Variants in QTMAN observed in about 807,000 individuals in gnomAD.
The protein encoded by QTMAN is tRNA-queuosine alpha-mannosyltransferase.
the QTMAN span, among the ~76,000 whole-genome samples, chr2:144,254,421 C>CTAAA: frequency 2.0e-5 from 3 of 151,914 alleles, no homozygotes; most frequent in East Asian, 1.9e-4. Context: ...GACTCTGTCT[C>CTAAA]TAAATAAATA....
At chr2:144,154,275 C>T in the QTMAN span, among the ~76,000 whole-genome samples, 276 of 152,252 alleles carry the variant, frequency 1.8e-3, 2 homozygotes, top group African/African-American at 6.3e-3. Context: ...TAAGGAGATG[C>T]ACTCTAGGAA....
the QTMAN span, among the ~76,000 whole-genome samples, chr2:144,134,804 T>C: frequency 2.0e-5 from 3 of 152,116 alleles, no homozygotes; most frequent in Non-Finnish European, 1.5e-5. Flanking sequence ...GGATATAGCA[T>C]CCATTCATCT....
the QTMAN span, among the ~76,000 whole-genome samples, chr2:143,976,182 CTTTT>C: frequency 6.7e-6 from 1 of 149,770 alleles, no homozygotes; most frequent in Non-Finnish European, 1.5e-5. Context: ...CAGTTTTTGA[CTTTT>C]TTTTTTCCTT....
At chr2:144,089,823 A>G in the QTMAN span, among the ~76,000 whole-genome samples, 2 of 151,938 alleles carry the variant, frequency 1.3e-5, no homozygotes, top group African/African-American at 4.8e-5. Flanking sequence ...GTACAAACAT[A>G]TGGTAAGATA....
the QTMAN span, among the ~76,000 whole-genome samples, chr2:144,019,493 T>C: frequency 2.0e-5 from 3 of 149,282 alleles, no homozygotes; most frequent in Admixed American, 6.7e-5. Context: ...TATGTAGTTT[T>C]AGACAAGAAG....
the QTMAN span, among the ~76,000 whole-genome samples, chr2:144,109,948 G>T: frequency 1.3e-5 from 2 of 152,202 alleles, no homozygotes; most frequent in African/African-American, 2.4e-5. Flanking sequence ...TGGTGGGACT[G>T]TAAACTAGTT....
chr2:144,091,547 A>G, the QTMAN span, among the ~76,000 whole-genome samples: 1 of 152,176 alleles, frequency 6.6e-6, no homozygotes, highest in African/African-American at 2.4e-5. Context: ...GCTGGTGAGG[A>G]TGTGGAGAAA....
the QTMAN span, among the ~76,000 whole-genome samples, chr2:144,247,784 C>G: frequency 6.6e-6 from 1 of 152,126 alleles, no homozygotes; most frequent in African/African-American, 2.4e-5. Flanking sequence ...GGAGATTCTC[C>G]CACCTCAGCC....
At chr2:144,313,313 G>T in the QTMAN span, among the ~76,000 whole-genome samples, 2 of 152,168 alleles carry the variant, frequency 1.3e-5, no homozygotes, top group Non-Finnish European at 2.9e-5. Flanking sequence ...AGAAAGCAGG[G>T]TTACTTATTA....
At chr2:144,209,229 C>G in the QTMAN span, among the ~76,000 whole-genome samples, 1 of 152,204 alleles carries the variant, frequency 6.6e-6, no homozygotes, top group African/African-American at 2.4e-5. Context: ...TGACGACTTT[C>G]ACTTCAAGAG....
chr2:144,060,258 A>C, the QTMAN span, among the ~76,000 whole-genome samples: 1 of 148,200 alleles, frequency 6.7e-6, no homozygotes, highest in East Asian at 2.0e-4. Context: ...AAGCATCTTA[A>C]TTTTTTTTTT....
the QTMAN span, among the ~76,000 whole-genome samples, chr2:143,992,380 C>A: frequency 6.9e-6 from 1 of 145,566 alleles, no homozygotes; most frequent in African/African-American, 2.6e-5. Context: ...CTCAAGTACC[C>A]AGGGACACAA....
the QTMAN span, among the ~76,000 whole-genome samples, chr2:143,989,938 G>A: frequency 6.6e-5 from 10 of 151,992 alleles, no homozygotes; most frequent in Non-Finnish European, 8.8e-5. Context: ...TCCCTGAATC[G>A]ATTATCCTTA....
At chr2:144,208,701 G>A in the QTMAN span, 3 of 1,613,570 alleles carry the variant, frequency 1.9e-6, no homozygotes, top group South Asian at 2.2e-5. Flanking sequence ...AAACGACACA[G>A]TCTCCTAACT....
chr2:143,968,730 A>C, the QTMAN span, among the ~76,000 whole-genome samples: 1 of 152,148 alleles, frequency 6.6e-6, no homozygotes, highest in Non-Finnish European at 1.5e-5. Context: ...TGAGCTTTGC[A>C]AATGAGCTGA....
At chr2:143,984,412 G>A in the QTMAN span, among the ~76,000 whole-genome samples, 2 of 152,198 alleles carry the variant, frequency 1.3e-5, no homozygotes, top group Non-Finnish European at 2.9e-5. Flanking sequence ...TCTCTAAGGG[G>A]AAGGGTACTC....
the QTMAN span, among the ~76,000 whole-genome samples, chr2:144,024,805 A>AT: frequency 1.8e-4 from 28 of 151,994 alleles, no homozygotes; most frequent in Non-Finnish European, 2.9e-4. Flanking sequence ...CTTTGATATA[A>AT]TTTTTTTTCA....
the QTMAN span, among the ~76,000 whole-genome samples, chr2:143,987,239 C>T: frequency 6.6e-6 from 1 of 152,116 alleles, no homozygotes; most frequent in African/African-American, 2.4e-5. Context: ...CAAGTGTAGC[C>T]CCAAACACCA....
the QTMAN span, among the ~76,000 whole-genome samples, chr2:144,173,236 C>T: frequency 6.6e-6 from 1 of 152,168 alleles, no homozygotes; most frequent in East Asian, 1.9e-4. Context: ...TAGCCCCATG[C>T]TTCCATCTCC....
Sources: allele counts gnomAD v4.1 joint callset (sites outside exome capture counted in the v4.1 genomes callset), GRCh38; gene constraint gnomAD v4.1.1; transcripts MANE v1.5; gene names NCBI Gene and HGNC (gene_info 2026-07-23, HGNC 2026-07-21).